The following C12orf42 variants were observed in gnomAD, a reference collection of about 807,000 sequenced individuals.
The protein encoded by C12orf42 is chromosome 12 open reading frame 42, also known as uncharacterized protein C12orf42.
C12orf42 carries 25 observed loss-of-function variants against 21.6 expected under a neutral mutation model. That is an observed-to-expected ratio of 1.16 (90% CI 0.84 to 1.62). The LOEUF is 1.62. Ranked by LOEUF, C12orf42 falls within the 40% of genes most tolerant of loss-of-function variation. The probability of loss-of-function intolerance (pLI) is 0.00; values close to 1 mark genes in which losing one functional copy is unlikely to be tolerated. For missense variants in C12orf42, 483 were observed against 459.3 expected (o/e 1.05, Z -0.47); for synonymous variants, 174 against 175.0 (o/e 0.99, Z 0.05).
the C12orf42 span, among the ~76,000 whole-genome samples, chr12:103,057,647 T>C: frequency 1.3e-5 from 2 of 152,120 alleles, no homozygotes; most frequent in African/African-American, 2.4e-5. Context: ...TTGTAAATAG[T>C]GCTGCAATAA....
the C12orf42 span, among the ~76,000 whole-genome samples, chr12:103,562,681 C>G: frequency 1.3e-5 from 2 of 152,158 alleles, no homozygotes; most frequent in African/African-American, 4.8e-5. Context: ...TTGTTTGTTT[C>G]AGGAACTTTC....
At chr12:103,137,541 C>T in the C12orf42 span, among the ~76,000 whole-genome samples, 5 of 152,136 alleles carry the variant, frequency 3.3e-5, no homozygotes, top group Non-Finnish European at 5.9e-5. Context: ...AAGAAATTCA[C>T]ATATCACATA....
intron 3 of C12orf42, among the ~76,000 whole-genome samples, chr12:103,392,660 T>C (rs1176655722): frequency 6.6e-6 from 1 of 152,244 alleles, no homozygotes; most frequent in African/African-American, 2.4e-5. Flanking sequence ...ACACAACTGA[T>C]TTCTGTATGT....
At chr12:103,462,096 G>GTGTTTTTTTTTTTTTT (rs1952751484) in intron 2 of C12orf42, among the ~76,000 whole-genome samples, 1 of 27,724 alleles carries the variant, frequency 3.6e-5, no homozygotes, top group African/African-American at 1.4e-4. Context: ...TTTTTGCTTG[G>GTGTTTTTTTTTTTTTT]TTTTTTTTTT....
chr12:103,531,069 G>C, the C12orf42 span, among the ~76,000 whole-genome samples: 529 of 152,180 alleles, frequency 3.5e-3, 3 homozygotes, highest in Non-Finnish European at 5.7e-3. Context: ...CAAAGAAAAG[G>C]GGGGAAACAT....
chr12:103,394,777 G>A (rs1010522194), intron 3 of C12orf42, among the ~76,000 whole-genome samples: 8 of 152,174 alleles, frequency 5.3e-5, no homozygotes, highest in Admixed American at 5.2e-4. Flanking sequence ...CCCAAGGAGA[G>A]GCCTGATAAC....
chr12:103,447,664 T>A (rs1951664790), intron 2 of C12orf42, among the ~76,000 whole-genome samples: 1 of 151,712 alleles, frequency 6.6e-6, no homozygotes, highest in African/African-American at 2.4e-5. Flanking sequence ...AAGCTGAGAA[T>A]CAAATCAAGA....
chr12:103,210,639 C>CTTT, the C12orf42 span, among the ~76,000 whole-genome samples: 11 of 77,674 alleles, frequency 1.4e-4, no homozygotes, highest in African/African-American at 2.7e-4. Context: ...CCCTCTATTT[C>CTTT]TTTTTTTTTT....
the C12orf42 span, among the ~76,000 whole-genome samples, chr12:103,094,843 T>C: frequency 6.6e-6 from 1 of 152,198 alleles, no homozygotes; most frequent in South Asian, 2.1e-4. Context: ...TCTGAAGTAA[T>C]CATCTAGTAA....
the C12orf42 span, among the ~76,000 whole-genome samples, chr12:103,144,096 C>T: frequency 7.5e-4 from 114 of 152,118 alleles, 1 homozygote; most frequent in Admixed American, 3.4e-3. Flanking sequence ...TCTTCCAGGT[C>T]TGAAAGAAAA....
intron 2 of C12orf42, among the ~76,000 whole-genome samples, chr12:103,429,771 T>C (rs1304160126): frequency 1.3e-5 from 2 of 151,994 alleles, no homozygotes; most frequent in Admixed American, 6.6e-5. Flanking sequence ...CAAAAACAGA[T>C]ACATAGACCA....
the C12orf42 span, among the ~76,000 whole-genome samples, chr12:103,067,032 C>A: frequency 3.3e-5 from 5 of 152,348 alleles, no homozygotes; most frequent in East Asian, 7.7e-4. Flanking sequence ...CTGGCTACGA[C>A]CACTGCTGAG....
At chr12:103,425,437 C>T (rs1219808619) in intron 2 of C12orf42, among the ~76,000 whole-genome samples, 11 of 152,130 alleles carry the variant, frequency 7.2e-5, no homozygotes, top group Admixed American at 7.2e-4. Flanking sequence ...TACAGGAGAG[C>T]TCCAGCTGGC....
At chr12:103,187,276 G>T in the C12orf42 span, among the ~76,000 whole-genome samples, 1 of 152,102 alleles carries the variant, frequency 6.6e-6, no homozygotes, top group African/African-American at 2.4e-5. Flanking sequence ...TCCTCATAAA[G>T]CTTCCATGGA....
intron 3 of C12orf42, among the ~76,000 whole-genome samples, chr12:103,386,133 A>G (rs1332322467): frequency 5.3e-5 from 8 of 152,218 alleles, no homozygotes; most frequent in African/African-American, 1.9e-4. Context: ...TTGCAGAAAG[A>G]TAAGACATTT....
the C12orf42 span, among the ~76,000 whole-genome samples, chr12:103,073,215 T>C: frequency 6.6e-6 from 1 of 152,012 alleles, no homozygotes; most frequent in African/African-American, 2.4e-5. Context: ...TCAGGAAAAA[T>C]AATTAATGGG....
At chr12:103,293,690 A>G (rs2036966095) in intron 4 of C12orf42, among the ~76,000 whole-genome samples, 1 of 152,174 alleles carries the variant, frequency 6.6e-6, no homozygotes, top group Admixed American at 6.6e-5. Flanking sequence ...ATATTATGGA[A>G]TGGTGCATAA....
the C12orf42 span, among the ~76,000 whole-genome samples, chr12:103,215,752 G>C: frequency 2.6e-5 from 4 of 152,204 alleles, no homozygotes; most frequent in African/African-American, 9.7e-5. Context: ...AGCTGATGCT[G>C]TGATGTCCAC....
intron 4 of C12orf42, among the ~76,000 whole-genome samples, chr12:103,332,611 A>C (rs2041339439): frequency 2.0e-5 from 3 of 152,238 alleles, no homozygotes; most frequent in Non-Finnish European, 4.4e-5. Flanking sequence ...GAGCTTCTTA[A>C]AGGAAAGATT....
Sources: gnomAD v4.1 joint callset for allele counts (sites outside exome capture counted in the v4.1 genomes callset) on GRCh38, gnomAD v4.1.1 for gene constraint, MANE v1.5 for transcripts, NCBI Gene and HGNC (gene_info 2026-07-23, HGNC 2026-07-21) for gene names.